The following CFAP53 variants were observed in gnomAD, a reference collection of about 807,000 sequenced individuals.
CFAP53 encodes the protein cilia and flagella associated protein 53.
CFAP53 carries 62 observed loss-of-function variants against 59.7 expected under a neutral mutation model. The ratio of observed to expected loss-of-function variants is 1.04; its 90% CI spans 0.85 to 1.28. The LOEUF is 1.28. CFAP53 is among the 50% of genes most tolerant of loss of function. The pLI, the probability that CFAP53 is intolerant of heterozygous loss-of-function variation, is 0.00. For synonymous variants in CFAP53, 218 were observed against 205.7 expected (o/e 1.06, Z -0.51); for missense variants, 629 against 615.6 (o/e 1.02, Z -0.23).
chr18:50,253,496 T>C (rs558150917), intron 3 of CFAP53, among the ~76,000 whole-genome samples: 2 of 152,336 alleles, frequency 1.3e-5, no homozygotes, highest in East Asian at 3.9e-4. Context: ...CCTAAGTGTC[T>C]TCCCAAGTCA....
Position 50,255,926 on chromosome 18 carries a change from C to T in CFAP53, c.474-4142G>A, listed in dbSNP as rs142983399. On this transcript the variant is annotated intron_variant, in intron 3 of 7. Transcript: ENST00000398545. ...TTTATATTAATATACATATTAAAGC[C>T]TCAACTATATTTTCAGTAATAGGGT... is the stretch of plus-strand genomic sequence containing the variant. 469 of 151,888 alleles carry T rather than the reference C, an allele frequency of 3.1e-3. 3 individuals are homozygous for T. Among genetic ancestry groups the T allele is most frequent in the African/African-American group, 0.01 (421 of 41,470 alleles). The allele number at this position is 151,888 out of a possible 1,614,324, so 9.4% of individuals were successfully genotyped here.
At chr18:50,228,313 G>C (rs184585509) in intron 7 of CFAP53, among the ~76,000 whole-genome samples, 28 of 152,094 alleles carry the variant, frequency 1.8e-4, no homozygotes, top group African/African-American at 5.5e-4. Flanking sequence ...CTCTGCTGTA[G>C]ATCAAAGGGC....
Position 50,250,770 on chromosome 18 carries a change from C to T in CFAP53, c.984G>A (p.Lys328=), listed in dbSNP as rs769530411. ...AAAAATGTCTTACTCTTTTTTGTTT[C>T]TTTTTATCTGCCTCTTCCTGTAAGT... ...LQDLQEEADK[K]KQKREDMIRE... is the part of the protein sequence containing the mutation. Residue 328 remains lysine (K), a synonymous_variant, in exon 5 of 8, where the codon AAG becomes AAA. Coordinates refer to ENST00000398545, the MANE Select transcript of CFAP53 (RefSeq NM_145020.5). 3 of 1,612,852 alleles carry T rather than the reference C, an allele frequency of 1.9e-6. No individual in the cohort carries two copies. Among genetic ancestry groups the T allele is most frequent in the South Asian group, 1.1e-5 (1 of 90,930 alleles).
At chr18:50,237,091 G>A (rs1020392329) in intron 7 of CFAP53, among the ~76,000 whole-genome samples, 1 of 150,888 alleles carries the variant, frequency 6.6e-6, no homozygotes, top group Non-Finnish European at 1.5e-5. Flanking sequence ...TGGATCACGA[G>A]GTCAGGAGTT....
chr18:50,247,457 C>A (rs72923637), intron 5 of CFAP53, among the ~76,000 whole-genome samples: 2 of 152,208 alleles, frequency 1.3e-5, no homozygotes, highest in South Asian at 4.1e-4. Flanking sequence ...CTTCTAGATA[C>A]ATGCCCCAAA....
intron 1 of CFAP53, among the ~76,000 whole-genome samples, chr18:50,265,134 G>GT (rs924615642): frequency 5.9e-5 from 9 of 151,526 alleles, no homozygotes; most frequent in Middle Eastern, 3.2e-3. Context: ...TTCTACCTAA[G>GT]TTTTTTTTTG....
At chr18:50,237,329 A>AAAAAAAAATATAT (rs1555671378) in intron 7 of CFAP53, among the ~76,000 whole-genome samples, 1 of 6,346 alleles carries the variant, frequency 1.6e-4, no homozygotes, top group African/African-American at 2.8e-4. Flanking sequence ...AAAAAAAAAA[A>AAAAAAAAATATAT]ATATATATAT....
chr18:50,234,709 C>A (rs913448893), intron 7 of CFAP53, among the ~76,000 whole-genome samples: 4 of 152,234 alleles, frequency 2.6e-5, no homozygotes, highest in South Asian at 2.1e-4. Context: ...GACTTTATAA[C>A]CTCTGGCCAA....
At chr18:50,235,206 A>G (rs567827645) in intron 7 of CFAP53, among the ~76,000 whole-genome samples, 8 of 152,316 alleles carry the variant, frequency 5.3e-5, no homozygotes, top group Non-Finnish European at 1.2e-4. Context: ...CCTTTCTGGC[A>G]CAGCTATTTC....
rs1838922493 is a variant in CFAP53 at position 50,260,535 on chromosome 18, C to T, written c.473+529G>A. ...AAAAAATTAGCTGGGCACAGTGGCG[C>T]GTGCCTATAGTCTCAGCTACTTGAG... On this transcript the variant is annotated intron_variant, in intron 3 of 7. Coordinates refer to ENST00000398545, the MANE Select transcript of CFAP53 (RefSeq NM_145020.5). Among the ~76,000 whole-genome samples, 6 of 152,226 alleles carry T rather than the reference C, an allele frequency of 3.9e-5. No individual in the cohort carries two copies. In the South Asian group the frequency reaches 8.3e-4, roughly 21 times the overall value.
chr18:50,239,656 G>A (rs979576283), intron 6 of CFAP53, among the ~76,000 whole-genome samples: 21 of 152,088 alleles, frequency 1.4e-4, no homozygotes, highest in African/African-American at 3.6e-4. Flanking sequence ...GTTACGGTCT[G>A]TTTTTATAAC....
intron 7 of CFAP53, among the ~76,000 whole-genome samples, chr18:50,237,976 C>G (rs1342300417): frequency 6.6e-6 from 1 of 152,136 alleles, no homozygotes; most frequent in East Asian, 1.9e-4. Flanking sequence ...AAAAAATCTT[C>G]TTGCTATTTT....
chr18:50,231,311 C>G (rs1320761385), intron 7 of CFAP53, among the ~76,000 whole-genome samples: 3 of 152,210 alleles, frequency 2.0e-5, no homozygotes, highest in Non-Finnish European at 4.4e-5. Flanking sequence ...TTACCTACAA[C>G]TGTCTTGGTA....
chr18:50,260,794 C>A (rs935246308), intron 3 of CFAP53, among the ~76,000 whole-genome samples: 11 of 152,180 alleles, frequency 7.2e-5, no homozygotes, highest in Non-Finnish European at 1.5e-4. Flanking sequence ...GAACTTCCTG[C>A]CAACAGCAAG....
chr18:50,243,946 C>A (rs1447828129), intron 5 of CFAP53, among the ~76,000 whole-genome samples: 1 of 148,596 alleles, frequency 6.7e-6, no homozygotes, highest in South Asian at 2.1e-4. Context: ...AGCGAGACTC[C>A]GTTTCAAAAA....
intron 7 of CFAP53, among the ~76,000 whole-genome samples, chr18:50,228,107 C>T (rs572386554): frequency 6.6e-5 from 10 of 151,942 alleles, no homozygotes; most frequent in East Asian, 3.9e-4. Flanking sequence ...TGCAGGCGTC[C>T]GCCACCACAC....
intron 7 of CFAP53, among the ~76,000 whole-genome samples, chr18:50,237,032 C>T (rs188342278): frequency 4.6e-5 from 7 of 151,650 alleles, no homozygotes; most frequent in East Asian, 3.9e-4. Flanking sequence ...AGAGGCCAGG[C>T]GCAGTGGCTC....
In CFAP53 at chr18:50,250,750, T is replaced by A; in HGVS notation, c.996+8A>T. ...CAGCAGGTAGCAGGCACCAAAAAAA[T>A]GTCTTACTCTTTTTTGTTTCTTTTT... is the stretch of plus-strand genomic sequence containing the variant. On this transcript the variant is annotated splice_region_variant and intron_variant, in intron 5 of 7. Coordinates refer to ENST00000398545, the MANE Select transcript of CFAP53 (RefSeq NM_145020.5). 6.2e-7 allele frequency: 1 copy of A among 1,610,964 alleles called. No individual in the cohort carries two copies. Among genetic ancestry groups the A allele is most frequent in the South Asian group, 1.1e-5 (1 of 90,968 alleles).
At chr18:50,264,696 C>T (rs951647312) in intron 1 of CFAP53, among the ~76,000 whole-genome samples, 2 of 152,228 alleles carry the variant, frequency 1.3e-5, no homozygotes, top group Non-Finnish European at 2.9e-5. Flanking sequence ...ACTCTAACCT[C>T]CTCCTTTTCC....
Sources: gnomAD v4.1 joint callset for allele counts (sites outside exome capture counted in the v4.1 genomes callset) on GRCh38, gnomAD v4.1.1 for gene constraint, MANE v1.5 for transcripts, NCBI Gene and HGNC (gene_info 2026-07-23, HGNC 2026-07-21) for gene names.